ACACA: variants seen among roughly 807,000 people sequenced by gnomAD.
ACACA encodes acetyl-CoA carboxylase alpha, also known as acetyl-CoA carboxylase 1.
In ACACA, 103 loss-of-function variants were observed where a neutral mutation model predicts 296.1. The observed-to-expected ratio is 0.35, with a 90% CI of 0.30 to 0.41. The LOEUF (loss-of-function observed/expected upper bound fraction) is 0.41, where lower values mean the gene tolerates loss of function less well. ACACA is among the 10% of genes least tolerant of loss of function. The pLI is 1.00. For missense variants in ACACA, 1,554 were observed against 2,989.7 expected (o/e 0.52, Z 11.20); for synonymous variants, 953 against 1,038.6 (o/e 0.92, Z 1.58).
chr17:37,157,694 C>T (rs921524581), intron 42 of ACACA, among the ~76,000 whole-genome samples: 1 of 152,050 alleles, frequency 6.6e-6, no homozygotes. Flanking sequence ...TGTCACAATG[C>T]CCAGCTAATT....
intron 1 of ACACA, among the ~76,000 whole-genome samples, chr17:37,393,777 C>A (rs897984997): frequency 1.3e-5 from 2 of 151,316 alleles, no homozygotes; most frequent in African/African-American, 4.9e-5. Context: ...GAGATTGAAC[C>A]ATTGCACTCC....
At chr17:37,297,576 CTT>C (rs1276858430) in intron 3 of ACACA, among the ~76,000 whole-genome samples, 23 of 150,800 alleles carry the variant, frequency 1.5e-4, no homozygotes, top group Admixed American at 1.2e-3. Context: ...GAGTTTCGCT[CTT>C]GTCACCCAGA....
rs1397823612 is a variant in ACACA, at chr17:37,397,361, T to A, written c.38+8901A>T. 1.4e-4 allele frequency among the ~76,000 whole-genome samples: 21 copies of A among 152,190 alleles called. 1 individual carries two copies. The highest frequency in any genetic ancestry group is 4.4e-5 in the Non-Finnish European group (3 of 68,034). On this transcript the variant is annotated intron_variant, in intron 1 of 55. Coordinates refer to ENST00000616317, the MANE Select transcript of ACACA (RefSeq NM_198834.3). The stretch of plus-strand genomic sequence containing the variant: ...TGTGTTAATTTGTATATCTCTATAT[T>A]ACTTTGTATCAACAAAGCACCATGT...
At chr17:37,247,646 C>T (rs893459419) in intron 18 of ACACA, among the ~76,000 whole-genome samples, 2 of 152,130 alleles carry the variant, frequency 1.3e-5, no homozygotes, top group African/African-American at 2.4e-5. Flanking sequence ...GGATTACAGG[C>T]GTGAGCCACC....
intron 10 of ACACA, among the ~76,000 whole-genome samples, chr17:37,268,737 C>CTATATATATA (rs1302264722): frequency 6.2e-4 from 44 of 70,910 alleles, no homozygotes; most frequent in African/African-American, 1.9e-3. Context: ...ATCTATCTAT[C>CTATATATATA]TATCTATATA....
chr17:37,126,312 C>T (rs561410673), intron 47 of ACACA, among the ~76,000 whole-genome samples: 3 of 152,086 alleles, frequency 2.0e-5, no homozygotes, highest in Non-Finnish European at 4.4e-5. Flanking sequence ...TTCTCCGCTA[C>T]AAAAGCAACA....
intron 24 of ACACA, among the ~76,000 whole-genome samples, chr17:37,237,497 G>T (rs1401539693): frequency 1.3e-5 from 2 of 152,164 alleles, no homozygotes; most frequent in African/African-American, 4.8e-5. Context: ...AAGCAATGAA[G>T]ATGATGATGT....
chr17:37,104,941 AC>A (rs1245152378), intron 52 of ACACA, among the ~76,000 whole-genome samples: 2 of 105,140 alleles, frequency 1.9e-5, no homozygotes, highest in Non-Finnish European at 3.4e-5. Context: ...TCTGTCTCTG[AC>A]CGAAAAAAAA....
At chr17:37,112,707 C>A (rs541307770) in intron 51 of ACACA, among the ~76,000 whole-genome samples, 29 of 152,260 alleles carry the variant, frequency 1.9e-4, no homozygotes, top group Admixed American at 1.6e-3. Flanking sequence ...GAGAAGCGGG[C>A]GGTCCACTAA....
intron 3 of ACACA, among the ~76,000 whole-genome samples, chr17:37,323,922 C>T (rs1196163360): frequency 6.6e-6 from 1 of 152,224 alleles, no homozygotes. Context: ...TTATATGCCA[C>T]CAAATCATAC....
intron 16 of ACACA, 119 bp from the exon 17 acceptor site, chr17:37,248,793 C>T (rs1417146743): frequency 1.4e-6 from 1 of 696,154 alleles, no homozygotes; most frequent in East Asian, 3.1e-5. Context: ...ACCTAAATAC[C>T]TAAATGATCG....
Position 37,240,501 on chromosome 17 carries a change from C to T in ACACA, c.3096G>A (p.Leu1032=). The change falls in exon 24 of 56, where the codon CTG becomes CTA. Residue 1032 remains leucine (L), a synonymous_variant. Coordinates refer to ENST00000616317, the MANE Select transcript of ACACA (RefSeq NM_198834.3). The part of the protein sequence containing the change: ...AVVMDLLRQY[L]RVETQFQNGH... ...CATTCTGGAATTGTGTCTCTACTCG[C>T]AGGTACTGCCGGAGCAGATCCATCA... is the stretch of plus-strand genomic sequence containing the variant. The T allele has an allele frequency of 6.2e-7, 1 of 1,613,814 alleles. No individual in the cohort carries two copies. The highest frequency in any genetic ancestry group is 8.5e-7 in the Non-Finnish European group (1 of 1,179,978).
chr17:37,095,920 C>T (rs1306315370), intron 54 of ACACA, among the ~76,000 whole-genome samples: 1 of 152,140 alleles, frequency 6.6e-6, no homozygotes, highest in Non-Finnish European at 1.5e-5. Context: ...GAGACCCGCC[C>T]CATCCCCAAC....
At chr17:37,193,714 G>A (rs1340418852) in intron 35 of ACACA, among the ~76,000 whole-genome samples, 1 of 151,992 alleles carries the variant, frequency 6.6e-6, no homozygotes, top group East Asian at 1.9e-4. Flanking sequence ...TTTTTGCTAG[G>A]TATTGCTCTT....
Position 37,192,082 on chromosome 17 carries a change from G to C in ACACA, c.4416+8C>G, listed in dbSNP as rs562574162. The C allele has an allele frequency of 9.8e-5, 158 of 1,613,462 alleles. 1 individual carries two copies. The South Asian group carries it at 1.6e-3, about 16-fold the overall frequency. Reference sequence around the variant, plus strand: ...AGGGATAACATCCCATTAAAGTACAGCACCCACCTTGGTGACCAGATCAGA... The same window carrying C: ...AGGGATAACATCCCATTAAAGTACACCACCCACCTTGGTGACCAGATCAGA... On this transcript the variant is annotated splice_region_variant and intron_variant, in intron 37 of 55. Transcript: ENST00000616317.
At chr17:37,375,519 T>C (rs2049968522) in intron 1 of ACACA, among the ~76,000 whole-genome samples, 2 of 152,010 alleles carry the variant, frequency 1.3e-5, no homozygotes, top group Admixed American at 6.6e-5. Context: ...TTCAGGACTC[T>C]CAATTTATAG....
Position 37,406,510 on chromosome 17 carries a change from C to T in ACACA, c.-211G>A. 1.6e-6 allele frequency: 1 copy of T among 629,010 alleles called. No individual in the cohort carries two copies. The allele number at this position is 629,010 out of a possible 1,614,324, so 39.0% of individuals were successfully genotyped here. The stretch of plus-strand genomic sequence containing the variant: ...CCGTCCCTGGGCCCAGTTCCCTCAG[C>T]CTCAATTTCCCTTGCTGCAACAGGG... On this transcript the variant is annotated 5_prime_UTR_variant, in exon 1 of 56. Transcript: ENST00000616317.
intron 41 of ACACA, among the ~76,000 whole-genome samples, chr17:37,164,674 G>A (rs1390855594): frequency 2.0e-5 from 3 of 152,184 alleles, no homozygotes; most frequent in East Asian, 3.8e-4. Flanking sequence ...TGCATGAGGA[G>A]AAATGCTTTA....
chr17:37,194,442 C>G (rs1464094407), intron 35 of ACACA, among the ~76,000 whole-genome samples: 4 of 152,096 alleles, frequency 2.6e-5, no homozygotes, highest in Admixed American at 6.6e-5. Flanking sequence ...CTTGCAGAAG[C>G]CTTGGCTCAA....
Sources: allele counts gnomAD v4.1 joint callset (sites outside exome capture counted in the v4.1 genomes callset), GRCh38; gene constraint gnomAD v4.1.1; transcripts MANE v1.5; gene names NCBI Gene and HGNC (gene_info 2026-07-23, HGNC 2026-07-21).